SAP30BP: variants seen among roughly 807,000 people sequenced by gnomAD.
SAP30BP encodes SAP30-binding protein.
In SAP30BP, 31 loss-of-function variants were observed where a neutral mutation model predicts 46.3. The ratio of observed to expected loss-of-function variants is 0.67; its 90% CI spans 0.50 to 0.90. SAP30BP has a LOEUF of 0.90. Among genes scored for constraint, SAP30BP ranks in the 40% least tolerant of loss-of-function variants. SAP30BP has a pLI of 0.00. For missense variants in SAP30BP, 312 were observed against 391.0 expected (o/e 0.80, Z 1.70); for synonymous variants, 169 against 144.2 (o/e 1.17, Z -1.23).
At chr17:75,700,936 T>C (rs1296609113) in intron 5 of SAP30BP, among the ~76,000 whole-genome samples, 2 of 152,218 alleles carry the variant, frequency 1.3e-5, no homozygotes, top group Non-Finnish European at 2.9e-5. Flanking sequence ...ACTGATCTTA[T>C]GGCCCAGGAG....
At chr17:75,687,620 A>G (rs1319191200) in intron 3 of SAP30BP, among the ~76,000 whole-genome samples, 74 of 142,544 alleles carry the variant, frequency 5.2e-4, no homozygotes, top group African/African-American at 1.9e-3. Flanking sequence ...TGTCTCAGGA[A>G]AAAAAAAAAA....
At chr17:75,703,640 C>CGCA (rs2060449214) in intron 7 of SAP30BP, 168 bp from the exon 8 acceptor site, 3 of 694,702 alleles carry the variant, frequency 4.3e-6, no homozygotes, top group Non-Finnish European at 7.7e-6. Context: ...GCTTCGTGCT[C>CGCA]CCATGTTCTT....
At chr17:75,697,465 C>A (rs778987689) in intron 4 of SAP30BP, among the ~76,000 whole-genome samples, 1 of 152,182 alleles carries the variant, frequency 6.6e-6, no homozygotes, top group Non-Finnish European at 1.5e-5. Context: ...CTTGAGGAGT[C>A]AGGAGACCAA....
chr17:75,693,785 T>C (rs747892969), intron 4 of SAP30BP, among the ~76,000 whole-genome samples: 25 of 152,196 alleles, frequency 1.6e-4, no homozygotes, highest in Non-Finnish European at 2.8e-4. Context: ...CTTCCCCTAG[T>C]GCCCTGGGCT....
intron 9 of SAP30BP, 53 bp from the exon 10 acceptor site, chr17:75,705,955 G>T: frequency 6.2e-7 from 1 of 1,605,760 alleles, no homozygotes. Context: ...ATGGCAAAAA[G>T]CTGTGGACAC....
At chr17:75,689,270 C>T (rs1009458112) in intron 3 of SAP30BP, among the ~76,000 whole-genome samples, 1 of 151,762 alleles carries the variant, frequency 6.6e-6, no homozygotes, top group African/African-American at 2.4e-5. Context: ...GCATGCACCA[C>T]CATGCCCGGC....
intron 6 of SAP30BP, 106 bp downstream of exon 6, chr17:75,702,677 CA>C (rs2060431623): frequency 1.8e-6 from 1 of 554,670 alleles, no homozygotes; most frequent in East Asian, 3.0e-5. Context: ...CCCAAACCAT[CA>C]CCCAGACTTG....
chr17:75,694,752 C>T (rs1057301350), intron 4 of SAP30BP, among the ~76,000 whole-genome samples: 1 of 152,244 alleles, frequency 6.6e-6, no homozygotes, highest in African/African-American at 2.4e-5. Flanking sequence ...AGCAGCCTGT[C>T]ACGTGCCAAC....
At chr17:75,705,069 T>TG (rs1413191314) in intron 9 of SAP30BP, 1 of 474,664 alleles carries the variant, frequency 2.1e-6, no homozygotes. Flanking sequence ...TGCAGAGCCT[T>TG]GGGGGGCTTT....
intron 3 of SAP30BP, 108 bp from the exon 4 acceptor site, chr17:75,693,332 A>G: frequency 1.1e-6 from 1 of 891,698 alleles, no homozygotes; most frequent in South Asian, 1.5e-5. Flanking sequence ...TGTTCCTGGC[A>G]GTGCTTTTAC....
At chr17:75,671,224 C>T (rs1004266028) in intron 2 of SAP30BP, among the ~76,000 whole-genome samples, 1 of 152,224 alleles carries the variant, frequency 6.6e-6, no homozygotes, top group African/African-American at 2.4e-5. Flanking sequence ...TTGGGCATTG[C>T]CCTTTAGTCC....
intron 3 of SAP30BP, among the ~76,000 whole-genome samples, chr17:75,676,702 G>C (rs1181309409): frequency 6.6e-6 from 1 of 152,178 alleles, no homozygotes; most frequent in African/African-American, 2.4e-5. Context: ...AGTAACCTGA[G>C]GTCAGCTGCA....
intron 2 of SAP30BP, among the ~76,000 whole-genome samples, chr17:75,671,059 G>A (rs3785434): frequency 0.045 from 6,856 of 152,244 alleles, 179 homozygotes; most frequent in Admixed American, 0.066. Flanking sequence ...CAGTGGAATG[G>A]CGGGCTCGCT....
intron 2 of SAP30BP, among the ~76,000 whole-genome samples, chr17:75,670,606 T>C (rs2059894412): frequency 6.6e-6 from 1 of 152,244 alleles, no homozygotes; most frequent in Non-Finnish European, 1.5e-5. Context: ...TAAGCTTCAT[T>C]TCATATTTTA....
At chr17:75,685,660 T>C (rs958491020) in intron 3 of SAP30BP, among the ~76,000 whole-genome samples, 2 of 152,180 alleles carry the variant, frequency 1.3e-5, no homozygotes, top group Admixed American at 6.5e-5. Context: ...ATTCTCAACC[T>C]CACAAAGCTG....
chr17:75,702,737 C>T, intron 6 of SAP30BP, 166 bp downstream of exon 6: 1 of 448,492 alleles, frequency 2.2e-6, no homozygotes, highest in Non-Finnish European at 4.1e-6. Flanking sequence ...CTAACCCAGC[C>T]AGAGGCTTGC....
At position 75,677,455 on chromosome 17, in the gene SAP30BP, C is replaced by T. The variant is rs372251421; in HGVS notation, c.264+5592C>T. ...GGCTTTTTTTTTTTTTTTTTGGAAA[C>T]GAAGTCTCGCTCTGTCACCCAGGCT... On this transcript the variant is annotated intron_variant, in intron 3 of 10. Coordinates refer to ENST00000584667, the MANE Select transcript of SAP30BP (RefSeq NM_013260.8). Among the ~76,000 whole-genome samples the T allele has an allele frequency of 2.1e-4, 22 of 102,512 alleles. No individual in the cohort carries two copies. The East Asian group carries it at 4.6e-3, about 21-fold the overall frequency. The allele number at this position is 102,512 out of a possible 152,430, so 67.3% of individuals were successfully genotyped here. A position where few individuals can be genotyped will look rare whatever the true frequency, so the allele number is the denominator to read the frequency against.
rs190669208 is a variant in SAP30BP, at chr17:75,695,254, C to T, written c.307+1772C>T. ...TAGCAGTGTCCTTGGTCTCTACCCA[C>T]TACGTGCCAGAGGCACTCTCCCTTC... On this transcript the variant is annotated intron_variant, in intron 4 of 10. Coordinates refer to ENST00000584667, the MANE Select transcript of SAP30BP (RefSeq NM_013260.8). Among the ~76,000 whole-genome samples, 516 of 152,372 alleles carry T rather than the reference C, an allele frequency of 3.4e-3. 4 individuals are homozygous for T. The highest frequency in any genetic ancestry group is 0.011 in the African/African-American group (445 of 41,586).
At chr17:75,704,949 CAG>C in intron 9 of SAP30BP, 135 bp downstream of exon 9, 1 of 722,876 alleles carries the variant, frequency 1.4e-6, no homozygotes, top group Non-Finnish European at 2.5e-6. Flanking sequence ...CTGAGCCTCT[CAG>C]CAGGGCCTGT....
Sources: gnomAD v4.1 joint callset for allele counts (sites outside exome capture counted in the v4.1 genomes callset) on GRCh38, gnomAD v4.1.1 for gene constraint, MANE v1.5 for transcripts, NCBI Gene and HGNC (gene_info 2026-07-23, HGNC 2026-07-21) for gene names.